The following UBE2E1 variants were observed in gnomAD, a reference collection of about 807,000 sequenced individuals.
UBE2E1 encodes the protein ubiquitin conjugating enzyme E2 E1.
Under a neutral mutation model 21.4 loss-of-function variants are expected in UBE2E1, and 6 were observed. That is an observed-to-expected ratio of 0.28 (90% confidence interval 0.15 to 0.55). The LOEUF (loss-of-function observed/expected upper bound fraction) is 0.55, where lower values mean the gene tolerates loss of function less well. Among genes scored for constraint, UBE2E1 ranks in the 20% least tolerant of loss-of-function variants. UBE2E1 has a pLI of 0.93. For synonymous variants in UBE2E1, 87 were observed against 82.7 expected (o/e 1.05, Z -0.28); for missense variants, 142 against 236.5 (o/e 0.60, Z 2.62).
intron 3 of UBE2E1, among the ~76,000 whole-genome samples, chr3:23,819,703 A>G (rs2125285804): frequency 6.6e-6 from 1 of 152,278 alleles, no homozygotes; most frequent in Admixed American, 6.5e-5. Flanking sequence ...AATAGTGGAA[A>G]TTGCTGGGGA....
At chr3:23,814,135 A>C (rs1254565925) in intron 3 of UBE2E1, among the ~76,000 whole-genome samples, 1 of 152,112 alleles carries the variant, frequency 6.6e-6, no homozygotes, top group Non-Finnish European at 1.5e-5. Context: ...AGCCTGGGCG[A>C]CAGAGTGAGA....
At chr3:23,888,347 G>T in intron 4 of UBE2E1, 2 of 424,670 alleles carry the variant, frequency 4.7e-6, no homozygotes, top group Non-Finnish European at 9.4e-6. Context: ...TGGGGATTAG[G>T]TAGACTGCCA....
intron 3 of UBE2E1, among the ~76,000 whole-genome samples, chr3:23,848,092 A>C (rs1700245398): frequency 6.6e-6 from 1 of 152,208 alleles, no homozygotes. Context: ...TTTCACAATA[A>C]ACCTGTGCAG....
At chr3:23,880,434 G>T (rs546911344) in intron 3 of UBE2E1, among the ~76,000 whole-genome samples, 1 of 152,182 alleles carries the variant, frequency 6.6e-6, no homozygotes, top group East Asian at 1.9e-4. Flanking sequence ...GGGCATGGTG[G>T]CATGTGCCTT....
At chr3:23,821,278 C>T (rs1699637931) in intron 3 of UBE2E1, among the ~76,000 whole-genome samples, 1 of 152,086 alleles carries the variant, frequency 6.6e-6, no homozygotes, top group Non-Finnish European at 1.5e-5. Context: ...CTAGAGAAGC[C>T]TTACAAAGAC....
intron 3 of UBE2E1, among the ~76,000 whole-genome samples, chr3:23,854,243 CAAA>C (rs754330255): frequency 9.0e-5 from 5 of 55,664 alleles, no homozygotes; most frequent in Admixed American, 1.8e-4. Context: ...GACTCAGTCT[CAAA>C]AAAAAAAAAA....
chr3:23,886,272 TTAA>T (rs1194425422), intron 3 of UBE2E1, among the ~76,000 whole-genome samples: 2 of 152,224 alleles, frequency 1.3e-5, no homozygotes, highest in East Asian at 1.9e-4. Flanking sequence ...TATTAAAGAA[TTAA>T]TAATAATGGT....
At chr3:23,852,912 GTTTTGTTTTTTT>G (rs1375635429) in intron 3 of UBE2E1, among the ~76,000 whole-genome samples, 1 of 149,158 alleles carries the variant, frequency 6.7e-6, no homozygotes, top group African/African-American at 2.5e-5. Context: ...GCCTTATTTT[GTTTTGTTTTTTT>G]TTTTGTTTTG....
chr3:23,813,854 T>C (rs1355531473), intron 3 of UBE2E1, among the ~76,000 whole-genome samples: 1 of 152,176 alleles, frequency 6.6e-6, no homozygotes, highest in Non-Finnish European at 1.5e-5. Context: ...GGGATACTTT[T>C]TGAAGTCAGC....
At chr3:23,851,707 T>C (rs956019521) in intron 3 of UBE2E1, among the ~76,000 whole-genome samples, 1 of 151,914 alleles carries the variant, frequency 6.6e-6, no homozygotes, top group Non-Finnish European at 1.5e-5. Flanking sequence ...GAGGCTGAGG[T>C]GGGAAGATCA....
intron 3 of UBE2E1, among the ~76,000 whole-genome samples, chr3:23,862,783 TG>T (rs1184253739): frequency 3.3e-5 from 5 of 152,208 alleles, no homozygotes; most frequent in African/African-American, 1.2e-4. Context: ...TGGCATGTAG[TG>T]GTGCCATCAC....
At chr3:23,862,540 C>G (rs1403274638) in intron 3 of UBE2E1, among the ~76,000 whole-genome samples, 1 of 152,098 alleles carries the variant, frequency 6.6e-6, no homozygotes, top group African/African-American at 2.4e-5. Flanking sequence ...ATAGTTATCC[C>G]TGAATTATGT....
chr3:23,831,262 C>G (rs573146383), intron 3 of UBE2E1, among the ~76,000 whole-genome samples: 1 of 152,324 alleles, frequency 6.6e-6, no homozygotes, highest in Admixed American at 6.5e-5. Flanking sequence ...CATCTATGCT[C>G]TCACTCCAAG....
At chr3:23,865,002 A>G (rs934920448) in intron 3 of UBE2E1, among the ~76,000 whole-genome samples, 12 of 152,244 alleles carry the variant, frequency 7.9e-5, no homozygotes, top group Admixed American at 5.2e-4. Flanking sequence ...TCAGACTGTC[A>G]GGATTTCTCT....
At chr3:23,889,475 C>T in intron 5 of UBE2E1, 1 of 1,388,542 alleles carries the variant, frequency 7.2e-7, no homozygotes, top group African/African-American at 1.5e-5. Flanking sequence ...GTATTTTAAA[C>T]TGAAGACTGA....
At chr3:23,875,740 TC>T (rs1225267639) in intron 3 of UBE2E1, among the ~76,000 whole-genome samples, 1 of 152,204 alleles carries the variant, frequency 6.6e-6, no homozygotes, top group Non-Finnish European at 1.5e-5. Flanking sequence ...CCCACCGTGT[TC>T]CAGTATAACT....
chr3:23,884,499 T>C (rs940772624), intron 3 of UBE2E1, among the ~76,000 whole-genome samples: 3 of 152,228 alleles, frequency 2.0e-5, no homozygotes, highest in African/African-American at 7.2e-5. Context: ...TCTTTAAAGT[T>C]CCATCGATTA....
At chr3:23,865,584 G>A (rs929017903) in intron 3 of UBE2E1, among the ~76,000 whole-genome samples, 2 of 152,140 alleles carry the variant, frequency 1.3e-5, no homozygotes, top group Non-Finnish European at 2.9e-5. Context: ...TAACTCCTGG[G>A]CTCAAGCAGT....
At chr3:23,813,565 C>T (rs535665161) in intron 3 of UBE2E1, among the ~76,000 whole-genome samples, 13 of 151,938 alleles carry the variant, frequency 8.6e-5, no homozygotes, top group Non-Finnish European at 1.0e-4. Flanking sequence ...CTTTTTGAGA[C>T]GGAGTCTTGC....
Sources: gnomAD v4.1 joint callset for allele counts (sites outside exome capture counted in the v4.1 genomes callset) on GRCh38, gnomAD v4.1.1 for gene constraint, MANE v1.5 for transcripts, NCBI Gene and HGNC (gene_info 2026-07-23, HGNC 2026-07-21) for gene names.